MEI1: variants seen among roughly 807,000 people sequenced by gnomAD.
MEI1 encodes the protein meiosis inhibitor protein 1.
A neutral mutation model predicts 146.2 loss-of-function variants in MEI1; 103 were observed. The observed-to-expected ratio is 0.70, with a 90% confidence interval of 0.60 to 0.83. The LOEUF is 0.83. Among genes scored for constraint, MEI1 ranks in the 40% least tolerant of loss-of-function variants. MEI1 has a pLI of 0.00. For synonymous variants in MEI1, 652 were observed against 628.2 expected (o/e 1.04, Z -0.57); for missense variants, 1,529 against 1,533.0 (o/e 1.00, Z 0.04).
Position 41,763,230 on chromosome 22 carries a change from A to G in MEI1, c.2177A>G (p.Gln726Arg). The change falls in exon 19 of 31, where the codon CAG (glutamine) becomes CGG (arginine). Residue 726 changes from glutamine (Q) to arginine (R), a missense_variant. Physicochemically the swap from Gln to Arg is conservative, Grantham distance 43 (BLOSUM62 1). Around this residue, in one of 3 missense-constraint regions of MEI1, gnomAD observed 1,212 missense variants for 1,178.9 expected, o/e 1.03. Coordinates refer to ENST00000401548, the MANE Select transcript of MEI1 (RefSeq NM_152513.4). ...EAVQSFLLSL[Q>R]DQGERPPLVV... ...GTGCAAAGCTTCCTCCTGTCGCTGC[A>G]GGACCAGGGCGAGCGCCCCCCACTG... 1 of 1,613,928 alleles carries G rather than the reference A, an allele frequency of 6.2e-7. No homozygotes were observed. Among genetic ancestry groups the G allele is most frequent in the East Asian group, 2.2e-5 (1 of 44,862 alleles).
Position 41,763,224 on chromosome 22 carries a change from C to T in MEI1, c.2171C>T (p.Ser724Leu). ...LFEAVQSFLL[S>L]LQDQGERPPL... Reference sequence around the variant, plus strand: ...GAGGCTGTGCAAAGCTTCCTCCTGTCGCTGCAGGACCAGGGCGAGCGCCCC... The same window carrying T: ...GAGGCTGTGCAAAGCTTCCTCCTGTTGCTGCAGGACCAGGGCGAGCGCCCC... The change falls in exon 19 of 31, where the codon TCG becomes TTG. Residue 724 changes from serine (S) to leucine (L), a missense_variant. Ser to Leu is a moderately radical substitution (Grantham distance 145). This residue lies in a region of MEI1 where 1,212 missense variants were observed against 1,178.9 expected (regional missense o/e 1.03). Coordinates refer to ENST00000401548, the MANE Select transcript of MEI1 (RefSeq NM_152513.4). 1 of 1,613,898 alleles carries T rather than the reference C, an allele frequency of 6.2e-7. No homozygotes were observed. The highest frequency in any genetic ancestry group is 1.7e-5 in the Admixed American group (1 of 60,006).
chr22:41,776,243 G>A lies in MEI1; in HGVS notation c.2686G>A (p.Glu896Lys), dbSNP rs759748797. ...FLLILQRLLV[E>K]HGASPSGASG... Reference sequence around the variant, plus strand: ...GCTGATCCTGCAGCGTCTGCTAGTGGAGCATGGGGCATCCCCATCAGGAGG... The same window carrying A: ...GCTGATCCTGCAGCGTCTGCTAGTGAAGCATGGGGCATCCCCATCAGGAGG... The change falls in exon 21 of 31, where the codon GAG becomes AAG. Residue 896 changes from glutamate (E) to lysine (K), a missense_variant. Physicochemically the swap from Glu to Lys is moderately conservative, Grantham distance 56. Transcript: ENST00000401548. 6.2e-7 allele frequency: 1 copy of A among 1,613,764 alleles called. No individual in the cohort carries two copies. The highest frequency in any genetic ancestry group is 1.7e-5 in the Admixed American group (1 of 60,020).
chr22:41,796,432 G>A (rs1315818819), intron 30 of MEI1, among the ~76,000 whole-genome samples: 2 of 150,856 alleles, frequency 1.3e-5, no homozygotes, highest in South Asian at 2.1e-4. Context: ...CTGACCTTGC[G>A]ATCTGCCCCC....
chr22:41,794,244 G>T, intron 27 of MEI1, 127 bp from the exon 28 acceptor site: 1 of 787,690 alleles, frequency 1.3e-6, no homozygotes, highest in South Asian at 1.6e-5. Flanking sequence ...AACCCTCCTT[G>T]GGTCAGCTTG....
chr22:41,712,561 A>C (rs1034296070), intron 3 of MEI1, among the ~76,000 whole-genome samples: 12 of 151,884 alleles, frequency 7.9e-5, no homozygotes, highest in Admixed American at 3.3e-4. Flanking sequence ...ACCTGGCTTC[A>C]CAATAGACTT....
chr22:41,760,211 G>A lies in MEI1; in HGVS notation c.2120+1678G>A, dbSNP rs1296207997. Among the ~76,000 whole-genome samples, 5 of 151,726 alleles carry A rather than the reference G, an allele frequency of 3.3e-5. No homozygotes were observed. In the East Asian group the frequency reaches 9.7e-4, roughly 29 times the overall value. Reference sequence around the variant, plus strand: ...TGTAGTCCCAGCTACTCGGGAGGCTGAGGCAGGAGAATGGCGTGAACCTGG... The same window carrying A: ...TGTAGTCCCAGCTACTCGGGAGGCTAAGGCAGGAGAATGGCGTGAACCTGG... On this transcript the variant is annotated intron_variant, in intron 18 of 30. Transcript: ENST00000401548.
chr22:41,777,395 A>G (rs1224405029), intron 21 of MEI1, among the ~76,000 whole-genome samples: 1 of 151,866 alleles, frequency 6.6e-6, no homozygotes, highest in Non-Finnish European at 1.5e-5. Context: ...ACCTCAAGTG[A>G]TCCGCCCGCC....
chr22:41,744,914 T>G, intron 12 of MEI1, 59 bp from the exon 13 acceptor site: 1 of 1,078,792 alleles, frequency 9.3e-7, no homozygotes, highest in East Asian at 2.9e-5. Flanking sequence ...CATCCAAGCA[T>G]AGACTGAGAC....
At position 41,767,301 on chromosome 22, in the gene MEI1, A is replaced by C. The variant is rs556476268; in HGVS notation, c.2269-3385A>C. On this transcript the variant is annotated intron_variant, in intron 19 of 30. Coordinates refer to ENST00000401548, the MANE Select transcript of MEI1 (RefSeq NM_152513.4). ...TACATGCATTGTGCAGAAAGGCAGG[A>C]CTCCTGGGTCCACATTCTCGTTCTG... Among the ~76,000 whole-genome samples the C allele has an allele frequency of 4.0e-4, 61 of 152,028 alleles. No individual in the cohort carries two copies. The South Asian group carries it at 0.012, about 30-fold the overall frequency.
intron 14 of MEI1, among the ~76,000 whole-genome samples, chr22:41,747,091 A>G (rs1287006182): frequency 2.0e-5 from 3 of 151,998 alleles, no homozygotes; most frequent in Non-Finnish European, 4.4e-5. Context: ...TGCTCTAAAA[A>G]TGAAAGGAAA....
chr22:41,718,301 G>C, intron 6 of MEI1, 27 bp downstream of exon 6: 2 of 1,605,380 alleles, frequency 1.2e-6, no homozygotes, highest in Non-Finnish European at 1.7e-6. Context: ...GAGAAAAAAG[G>C]GAGAATAAGT....
At chr22:41,774,671 G>T (rs2075352981) in intron 20 of MEI1, among the ~76,000 whole-genome samples, 1 of 152,146 alleles carries the variant, frequency 6.6e-6, no homozygotes, top group South Asian at 2.1e-4. Flanking sequence ...TTCTTGATAT[G>T]CAAACTGATT....
intron 18 of MEI1, 104 bp from the exon 19 acceptor site, chr22:41,763,070 T>C (rs1272255718): frequency 2.3e-6 from 3 of 1,307,918 alleles, no homozygotes; most frequent in Non-Finnish European, 3.2e-6. Context: ...GTGGGCATAT[T>C]GGGGCAGGAC....
intron 11 of MEI1, among the ~76,000 whole-genome samples, chr22:41,734,667 T>G (rs2072168109): frequency 6.6e-6 from 1 of 152,212 alleles, no homozygotes; most frequent in African/African-American, 2.4e-5. Flanking sequence ...AGATGAAGTT[T>G]CGCTCTGTCG....
intron 4 of MEI1, among the ~76,000 whole-genome samples, chr22:41,715,506 C>A (rs1397375846): frequency 6.6e-6 from 1 of 151,914 alleles, no homozygotes; most frequent in East Asian, 1.9e-4. Context: ...CGCCATTCTC[C>A]TGCCTCAGCC....
At chr22:41,794,142 A>G (rs2076285829) in intron 27 of MEI1, among the ~76,000 whole-genome samples, 1 of 152,248 alleles carries the variant, frequency 6.6e-6, no homozygotes, top group African/African-American at 2.4e-5. Context: ...TAAGTGGCAG[A>G]GCCCTTCTTA....
intron 7 of MEI1, among the ~76,000 whole-genome samples, chr22:41,725,671 C>G (rs2071269152): frequency 6.6e-6 from 1 of 152,238 alleles, no homozygotes; most frequent in Non-Finnish European, 1.5e-5. Context: ...TGTGCAGTTG[C>G]TCTTCCTCTG....
chr22:41,753,020 AT>A (rs973303798), intron 16 of MEI1, among the ~76,000 whole-genome samples: 208 of 141,990 alleles, frequency 1.5e-3, no homozygotes, highest in Middle Eastern at 3.6e-3. Flanking sequence ...GGTCTCTACA[AT>A]TTTTTTTTTT....
chr22:41,794,669 T>C (rs1442933085), intron 28 of MEI1, among the ~76,000 whole-genome samples, 192 bp downstream of exon 28: 1 of 152,110 alleles, frequency 6.6e-6, no homozygotes, highest in Non-Finnish European at 1.5e-5. Context: ...TCCAGGGGAC[T>C]CCGACACCCT....
Sources: gnomAD v4.1 joint callset for allele counts (sites outside exome capture counted in the v4.1 genomes callset) on GRCh38, gnomAD v4.1.1 for gene constraint, gnomAD v4.1.1 regional missense constraint, MANE v1.5 for transcripts, NCBI Gene and HGNC (gene_info 2026-07-23, HGNC 2026-07-21) for gene names.